KAZN: variants seen among roughly 807,000 people sequenced by gnomAD.
KAZN encodes the protein kazrin.
In KAZN, 40 loss-of-function variants were observed where a neutral mutation model predicts 87.4. The observed-to-expected ratio is 0.46, with a 90% CI of 0.36 to 0.60. The LOEUF (loss-of-function observed/expected upper bound fraction) is 0.60, where lower values mean the gene tolerates loss of function less well. Among genes scored for constraint, KAZN ranks in the 20% least tolerant of loss-of-function variants. The probability of loss-of-function intolerance (pLI) is 0.00; values close to 1 mark genes in which losing one functional copy is unlikely to be tolerated. For missense variants in KAZN, 898 were observed against 1,073.9 expected (o/e 0.84, Z 2.29); for synonymous variants, 466 against 458.3 (o/e 1.02, Z -0.22).
chr1:14,409,951 CTGA>C (rs765329170), intron 2 of KAZN, among the ~76,000 whole-genome samples: 4 of 151,996 alleles, frequency 2.6e-5, no homozygotes, highest in South Asian at 4.2e-4. Context: ...TTAAAATTGT[CTGA>C]TGGCTTGAAC....
At chr1:14,266,801 G>A (rs951433760) in intron 2 of KAZN, among the ~76,000 whole-genome samples, 4 of 152,208 alleles carry the variant, frequency 2.6e-5, no homozygotes, top group African/African-American at 7.2e-5. Flanking sequence ...AGGATGTGGA[G>A]AAAACCCAGG....
At chr1:14,803,597 T>C (rs1316482794) in intron 1 of KAZN, among the ~76,000 whole-genome samples, 1 of 152,242 alleles carries the variant, frequency 6.6e-6, no homozygotes, top group Non-Finnish European at 1.5e-5. Context: ...CCATGAATGA[T>C]GCCCCAGCTC....
intron 2 of KAZN, among the ~76,000 whole-genome samples, chr1:15,000,123 AG>A (rs978605550): frequency 6.6e-6 from 1 of 152,172 alleles, no homozygotes; most frequent in African/African-American, 2.4e-5. Context: ...GAAGGTTGGC[AG>A]ATCAGAGAGA....
chr1:14,498,144 C>T (rs547415711), intron 2 of KAZN, among the ~76,000 whole-genome samples: 13 of 152,352 alleles, frequency 8.5e-5, no homozygotes, highest in African/African-American at 2.6e-4. Flanking sequence ...TCTTCTTTCA[C>T]ATTACCATAG....
In KAZN at chr1:14,419,869, TC is replaced by T. The variant is rs542002383; in HGVS notation, c.250-179113del. ...ACACCTTTGCGGCGAGTATTACAGC[TC>T]GCACAGACAGTGAGACCCCAAAGAG... is the stretch of plus-strand genomic sequence containing the variant. On this transcript the variant is annotated intron_variant, in intron 2 of 16. Transcript: ENST00000636203. 3.9e-3 allele frequency among the ~76,000 whole-genome samples: 595 copies of T among 152,192 alleles called. 5 individuals carry two copies. The highest frequency in any genetic ancestry group is 0.014 in the African/African-American group (576 of 41,514).
chr1:14,163,898 TC>T (rs1645764717), intron 1 of KAZN, among the ~76,000 whole-genome samples: 2 of 152,220 alleles, frequency 1.3e-5, no homozygotes, highest in African/African-American at 4.8e-5. Flanking sequence ...AGTCACATTT[TC>T]CTCGGTTTTC....
intron 1 of KAZN, among the ~76,000 whole-genome samples, chr1:14,032,697 A>C (rs919415477): frequency 6.6e-6 from 1 of 152,116 alleles, no homozygotes; most frequent in Non-Finnish European, 1.5e-5. Context: ...CTTCCAATGG[A>C]CTGTCAATGC....
chr1:14,133,858 A>G (rs1645050459), intron 1 of KAZN, among the ~76,000 whole-genome samples: 1 of 152,208 alleles, frequency 6.6e-6, no homozygotes. Flanking sequence ...TGAAGCCACA[A>G]GAAAAGCATG....
chr1:13,976,907 A>G (rs1413001088), intron 1 of KAZN, among the ~76,000 whole-genome samples: 1 of 152,214 alleles, frequency 6.6e-6, no homozygotes, highest in African/African-American at 2.4e-5. Context: ...ATATGTTTAA[A>G]TAGCATCTTA....
chr1:14,696,682 C>G (rs1641620007), intron 1 of KAZN, among the ~76,000 whole-genome samples: 1 of 152,108 alleles, frequency 6.6e-6, no homozygotes, highest in Admixed American at 6.5e-5. Flanking sequence ...TGATAAAACC[C>G]AAATGTCTGG....
At chr1:14,436,184 G>A (rs554321509) in intron 2 of KAZN, among the ~76,000 whole-genome samples, 13 of 152,084 alleles carry the variant, frequency 8.5e-5, no homozygotes, top group African/African-American at 2.4e-4. Context: ...AGCCGAGATC[G>A]CGCCATTGCA....
intron 1 of KAZN, among the ~76,000 whole-genome samples, chr1:14,674,446 T>C (rs1355639319): frequency 6.6e-6 from 1 of 152,226 alleles, no homozygotes; most frequent in Non-Finnish European, 1.5e-5. Flanking sequence ...ACTTTCTACA[T>C]GCCAGATGAG....
At chr1:13,942,526 G>A (rs1329632266) in intron 1 of KAZN, among the ~76,000 whole-genome samples, 3 of 130,586 alleles carry the variant, frequency 2.3e-5, no homozygotes, top group South Asian at 2.5e-4. Context: ...CGGCCTGGGC[G>A]ACAGAGCGAG....
intron 1 of KAZN, among the ~76,000 whole-genome samples, chr1:14,672,138 G>T (rs144985219): frequency 7.0e-4 from 107 of 152,010 alleles, no homozygotes; most frequent in African/African-American, 2.4e-3. Flanking sequence ...GGCAGAATTT[G>T]TCTAATGTGC....
intron 1 of KAZN, among the ~76,000 whole-genome samples, chr1:14,060,788 G>A (rs964651805): frequency 6.6e-6 from 1 of 152,198 alleles, no homozygotes; most frequent in African/African-American, 2.4e-5. Flanking sequence ...AGTAGAACAA[G>A]GTGTTGTGAA....
chr1:14,975,881 AATT>A, intron 2 of KAZN, among the ~76,000 whole-genome samples: 1 of 152,168 alleles, frequency 6.6e-6, no homozygotes, highest in Non-Finnish European at 1.5e-5. Flanking sequence ...AATACAAAAA[AATT>A]AACTGGGCGT....
intron 1 of KAZN, among the ~76,000 whole-genome samples, chr1:14,959,968 G>T (rs115379523): frequency 6.6e-6 from 1 of 152,328 alleles, no homozygotes; most frequent in Non-Finnish European, 1.5e-5. Flanking sequence ...TGTATGTAGG[G>T]TTGGATTTAA....
At chr1:15,017,162 G>C (rs1385396171) in intron 2 of KAZN, among the ~76,000 whole-genome samples, 1 of 151,920 alleles carries the variant, frequency 6.6e-6, no homozygotes, top group Non-Finnish European at 1.5e-5. Flanking sequence ...GCCAGGCTTG[G>C]TGGCTCGCAC....
chr1:15,008,601 T>C (rs1291405725), intron 2 of KAZN, among the ~76,000 whole-genome samples: 1 of 152,196 alleles, frequency 6.6e-6, no homozygotes, highest in African/African-American at 2.4e-5. Context: ...ACAGGCAGGT[T>C]CAAAGGCCAG....
Sources: allele counts gnomAD v4.1 joint callset (sites outside exome capture counted in the v4.1 genomes callset), GRCh38; gene constraint gnomAD v4.1.1; transcripts MANE v1.5; gene names NCBI Gene and HGNC (gene_info 2026-07-23, HGNC 2026-07-21).